The following AFG2A variants were observed in gnomAD, a reference collection of about 807,000 sequenced individuals.
The protein encoded by AFG2A is ATPase family gene 2 protein homolog A.
chr4:123,188,680 A>T, the AFG2A span, among the ~76,000 whole-genome samples: 2 of 152,122 alleles, frequency 1.3e-5, no homozygotes, highest in Non-Finnish European at 2.9e-5. Context: ...GATTGACATC[A>T]CTTCTGTTTT....
At chr4:123,148,831 C>T in the AFG2A span, among the ~76,000 whole-genome samples, 2 of 149,380 alleles carry the variant, frequency 1.3e-5, no homozygotes, top group African/African-American at 5.0e-5. Flanking sequence ...TGCAGTGGCA[C>T]GATCTTGGCT....
At chr4:122,929,907 C>G in the AFG2A span, among the ~76,000 whole-genome samples, 3 of 152,106 alleles carry the variant, frequency 2.0e-5, no homozygotes, top group African/African-American at 7.2e-5. Context: ...AATTTATAGA[C>G]TAAGGACTTT....
the AFG2A span, among the ~76,000 whole-genome samples, chr4:123,055,096 C>T: frequency 2.0e-5 from 3 of 152,168 alleles, no homozygotes; most frequent in East Asian, 5.8e-4. Context: ...TTGCCACAAT[C>T]TCCCTGCACC....
the AFG2A span, among the ~76,000 whole-genome samples, chr4:123,162,148 T>C: frequency 2.6e-5 from 4 of 152,222 alleles, no homozygotes; most frequent in South Asian, 6.2e-4. Flanking sequence ...ACTATAAAAG[T>C]GGATTGTGTC....
At chr4:123,145,195 A>G in the AFG2A span, among the ~76,000 whole-genome samples, 447 of 152,076 alleles carry the variant, frequency 2.9e-3, 4 homozygotes, top group Non-Finnish European at 5.1e-3. Flanking sequence ...TCATTTTTCA[A>G]TTTGGAGAAT....
At chr4:123,173,340 G>GTTTTTTTTTTTTTTTTTT in the AFG2A span, among the ~76,000 whole-genome samples, 4 of 70,304 alleles carry the variant, frequency 5.7e-5, no homozygotes, top group Admixed American at 2.5e-4. Flanking sequence ...AAGTCCAATG[G>GTTTTTTTTTTTTTTTTTT]TTTTTTTTTT....
chr4:123,080,701 T>A, the AFG2A span, among the ~76,000 whole-genome samples: 1 of 152,154 alleles, frequency 6.6e-6, no homozygotes, highest in Non-Finnish European at 1.5e-5. Context: ...TCTCCAGTTG[T>A]CCCACAGGAC....
the AFG2A span, among the ~76,000 whole-genome samples, chr4:123,095,042 A>AAAAAAATATATAT: frequency 8.8e-6 from 1 of 114,102 alleles, no homozygotes; most frequent in South Asian, 2.8e-4. Context: ...AAAAAAAAAA[A>AAAAAAATATATAT]ATATATATAT....
At chr4:123,083,501 G>A in the AFG2A span, among the ~76,000 whole-genome samples, 1 of 150,498 alleles carries the variant, frequency 6.6e-6, no homozygotes, top group Non-Finnish European at 1.5e-5. Flanking sequence ...GTTTTCAAGT[G>A]TTAAACTAGC....
the AFG2A span, among the ~76,000 whole-genome samples, chr4:123,073,681 C>G: frequency 6.6e-6 from 1 of 152,124 alleles, no homozygotes; most frequent in Non-Finnish European, 1.5e-5. Flanking sequence ...GTTTCTTAAT[C>G]TTAGTAATTT....
the AFG2A span, among the ~76,000 whole-genome samples, chr4:123,233,281 A>G: frequency 0.035 from 4,849 of 138,818 alleles, 270 homozygotes; most frequent in African/African-American, 0.15. Context: ...ACACACACGC[A>G]CACACACACA....
the AFG2A span, among the ~76,000 whole-genome samples, chr4:122,958,383 A>G: frequency 6.6e-6 from 1 of 152,202 alleles, no homozygotes; most frequent in Non-Finnish European, 1.5e-5. Context: ...CCACTGGCAT[A>G]TATGGGTAGT....
At chr4:123,115,673 T>C in the AFG2A span, among the ~76,000 whole-genome samples, 2 of 152,070 alleles carry the variant, frequency 1.3e-5, no homozygotes, top group African/African-American at 4.8e-5. Context: ...ACCGTTCGCC[T>C]TGGAGTCCAC....
the AFG2A span, among the ~76,000 whole-genome samples, chr4:123,183,969 C>CATTCATTCATTT: frequency 6.6e-6 from 1 of 150,974 alleles, no homozygotes; most frequent in African/African-American, 2.4e-5. Context: ...TTCATTCATT[C>CATTCATTCATTT]ATTTATGGTA....
chr4:122,939,461 G>A, the AFG2A span, among the ~76,000 whole-genome samples: 1 of 152,068 alleles, frequency 6.6e-6, no homozygotes, highest in African/African-American at 2.4e-5. Flanking sequence ...GAATAGGCAT[G>A]AACAAAAATT....
At chr4:123,114,597 C>G in the AFG2A span, among the ~76,000 whole-genome samples, 1,816 of 152,332 alleles carry the variant, frequency 0.012, 43 homozygotes, top group African/African-American at 0.04. Flanking sequence ...GGAGCAGATA[C>G]CCCTGAGTCT....
the AFG2A span, among the ~76,000 whole-genome samples, chr4:123,068,907 T>C: frequency 6.6e-6 from 1 of 152,194 alleles, no homozygotes; most frequent in Non-Finnish European, 1.5e-5. Flanking sequence ...CATTAATGTT[T>C]ATAGAAGCAT....
chr4:123,125,330 T>G, the AFG2A span, among the ~76,000 whole-genome samples: 2 of 152,314 alleles, frequency 1.3e-5, no homozygotes, highest in East Asian at 3.9e-4. Context: ...ACAGAGATAA[T>G]TAAGACCATT....
chr4:122,993,611 C>G, the AFG2A span, among the ~76,000 whole-genome samples: 3 of 151,954 alleles, frequency 2.0e-5, no homozygotes, highest in Non-Finnish European at 4.4e-5. Context: ...AAATATCAAG[C>G]TTTTGTTTTC....
Sources: allele counts gnomAD v4.1 joint callset (sites outside exome capture counted in the v4.1 genomes callset), GRCh38; gene constraint gnomAD v4.1.1; transcripts MANE v1.5; gene names NCBI Gene and HGNC (gene_info 2026-07-23, HGNC 2026-07-21).